The following ZMYND8 variants were observed in gnomAD, a reference collection of about 807,000 sequenced individuals.
ZMYND8 encodes the protein MYND-type zinc finger-containing chromatin reader ZMYND8.
Under a neutral mutation model 140.8 loss-of-function variants are expected in ZMYND8, and 37 were observed. The observed-to-expected ratio is 0.26, with a 90% CI of 0.20 to 0.35. The LOEUF is 0.35. Among genes scored for constraint, ZMYND8 ranks in the 10% least tolerant of loss-of-function variants. The pLI is 1.00. For synonymous variants in ZMYND8, 592 were observed against 597.1 expected (o/e 0.99, Z 0.12); for missense variants, 1,068 against 1,570.0 (o/e 0.68, Z 5.40).
chr20:47,298,711 C>A lies in ZMYND8; in HGVS notation c.453+18G>T. 1 of 1,606,368 alleles carries A rather than the reference C, an allele frequency of 6.2e-7. No individual in the cohort carries two copies. The highest frequency in any genetic ancestry group is 8.5e-7 in the Non-Finnish European group (1 of 1,175,810). ...GAGGAAACGAGGCAGGTAATGCATT[C>A]ATTCATCAGGAACTAACCTCACATT... On this transcript the variant is annotated intron_variant, in intron 4 of 22. Transcript: ENST00000471951. The surrounding 1 kb of genome is among the most constrained non-coding windows in gnomAD (Gnocchi z 5.0).
At position 47,356,254 on chromosome 20, in the gene ZMYND8, G is replaced by A. The variant is rs1182357255; in HGVS notation, c.14+403C>T. 6 of 934,954 alleles carry A rather than the reference G, an allele frequency of 6.4e-6. No homozygotes were observed. In the Admixed American group the frequency reaches 3.0e-4, roughly 46 times the overall value. 57.9% of individuals were successfully genotyped at this position (934,954 alleles called of 1,614,324 possible). A position where few individuals can be genotyped will look rare whatever the true frequency, so the allele number is the denominator to read the frequency against. On this transcript the variant is annotated intron_variant, in intron 1 of 22. Transcript: ENST00000471951. ...TCCCCCAGCAGGGCATGTGGCAAAAGAGAAGACAATAGTGCAGGGGTGGGA... is the reference window on the plus strand; with the variant it reads ...TCCCCCAGCAGGGCATGTGGCAAAAAAGAAGACAATAGTGCAGGGGTGGGA...
chr20:47,301,155 CTT>C (rs74178720), intron 3 of ZMYND8, among the ~76,000 whole-genome samples: 155 of 133,394 alleles, frequency 1.2e-3, no homozygotes, highest in East Asian at 1.5e-3. Context: ...TTGCATAATT[CTT>C]TTTTTTTTTT....
Position 47,287,260 on chromosome 20 carries a change from G to A in ZMYND8, c.773C>T (p.Ala258Val). 3 of 1,613,802 alleles carry A rather than the reference G, an allele frequency of 1.9e-6. No individual in the cohort carries two copies. Among genetic ancestry groups the A allele is most frequent in the Non-Finnish European group, 1.7e-6 (2 of 1,179,750 alleles). The change falls in exon 8 of 23, where the codon GCG becomes GTG. Residue 258 changes from alanine to valine, a missense_variant. Physicochemically the swap from Ala to Val is moderately conservative, Grantham distance 64. Around this residue, in one of 10 missense-constraint regions of ZMYND8, gnomAD observed 109 missense variants for 314.9 expected, o/e 0.35. Transcript: ENST00000471951. ...NGGNHKLTQI[A>V]KVVIKICEHE... ...TTCACAGATTTTGATGACTACTTTC[G>A]CTATTTGCGTCAATTTGTGATTTCC...
intron 16 of ZMYND8, among the ~76,000 whole-genome samples, chr20:47,234,714 T>C (rs1195286889): frequency 6.6e-6 from 1 of 152,110 alleles, no homozygotes; most frequent in African/African-American, 2.4e-5. Flanking sequence ...AAAAGAAACA[T>C]GACCAATGAA....
chr20:47,234,572 T>G (rs13038068), intron 16 of ZMYND8, among the ~76,000 whole-genome samples: 1 of 152,192 alleles, frequency 6.6e-6, no homozygotes, highest in Non-Finnish European at 1.5e-5. Context: ...GAGAGCCCCG[T>G]GGAGCCATGC....
At chr20:47,276,131 T>G (rs1332131017) in intron 11 of ZMYND8, among the ~76,000 whole-genome samples, 183 bp downstream of exon 11, 2 of 152,208 alleles carry the variant, frequency 1.3e-5, no homozygotes, top group African/African-American at 4.8e-5. Context: ...GGGGACACTT[T>G]TCTCATTTCT....
At chr20:47,308,984 C>T (rs1375821610) in intron 3 of ZMYND8, among the ~76,000 whole-genome samples, 4 of 152,202 alleles carry the variant, frequency 2.6e-5, no homozygotes, top group Admixed American at 6.5e-5. Flanking sequence ...TCAGAACCAA[C>T]GGGACACTGT....
At chr20:47,280,809 G>C (rs2076561775) in intron 10 of ZMYND8, among the ~76,000 whole-genome samples, 1 of 152,048 alleles carries the variant, frequency 6.6e-6, no homozygotes, top group Admixed American at 6.6e-5. Context: ...TCTGACTCCA[G>C]CTGTGAGCAT....
intron 2 of ZMYND8, among the ~76,000 whole-genome samples, chr20:47,333,932 T>A (rs2081182058): frequency 1.4e-5 from 2 of 146,710 alleles, no homozygotes; most frequent in African/African-American, 2.5e-5. Flanking sequence ...AAAAAGGAAA[T>A]TAAGAAAGGG....
rs147953139 is a variant in ZMYND8 at position 47,315,607 on chromosome 20, C to G, written c.86-5403G>C. 6.3e-3 allele frequency among the ~76,000 whole-genome samples: 954 copies of G among 152,210 alleles called. 7 individuals are homozygous for G. The highest frequency in any genetic ancestry group is 0.021 in the African/African-American group (873 of 41,518). ...TGTACACCTGACTGTAGCCGTGGTACCCAGGCTCCATAAGGACCCTTTCCA... is the reference window on the plus strand; with the variant it reads ...TGTACACCTGACTGTAGCCGTGGTAGCCAGGCTCCATAAGGACCCTTTCCA... On this transcript the variant is annotated intron_variant, in intron 2 of 22. Transcript: ENST00000471951.
intron 21 of ZMYND8, among the ~76,000 whole-genome samples, chr20:47,213,049 C>G (rs2035512606): frequency 1.3e-5 from 2 of 152,164 alleles, no homozygotes; most frequent in Admixed American, 6.5e-5. Context: ...CTAATTCAAC[C>G]ATGGGAAACG....
chr20:47,222,852 G>A (rs1249909913), intron 19 of ZMYND8, among the ~76,000 whole-genome samples: 2 of 152,266 alleles, frequency 1.3e-5, no homozygotes, highest in Non-Finnish European at 2.9e-5. Flanking sequence ...AGTGCTGCCT[G>A]TTTTATTGGC....
At chr20:47,287,507 C>A (rs2076997036) in intron 7 of ZMYND8, among the ~76,000 whole-genome samples, 1 of 152,174 alleles carries the variant, frequency 6.6e-6, no homozygotes, top group Middle Eastern at 3.2e-3. Context: ...TTCTCTGCAA[C>A]TGAGCAATTT....
rs1311177466 is a variant in ZMYND8 at position 47,298,653 on chromosome 20, A to G, written c.453+76T>C. ...TTTTCCATCTATCTGGATTATTTGT[A>G]AATTTAAAAATAAAAGGAAGAAAGA... On this transcript the variant is annotated intron_variant, in intron 4 of 22. Transcript: ENST00000471951. This position sits in a 1 kb window ranked among gnomAD's most constrained non-coding sequence, Gnocchi z 5.0. The G allele has an allele frequency of 1.3e-6, 2 of 1,540,848 alleles. No homozygotes were observed. The highest frequency in any genetic ancestry group is 2.8e-5 in the African/African-American group (2 of 72,542).
intron 2 of ZMYND8, among the ~76,000 whole-genome samples, chr20:47,345,429 G>A (rs934943036): frequency 6.6e-6 from 1 of 151,982 alleles, no homozygotes; most frequent in African/African-American, 2.4e-5. Context: ...GGCAGGTCAC[G>A]GTGACTTCAG....
rs1175085565 is a variant in ZMYND8, at chr20:47,298,149, CTTTA to C, written c.453+576_453+579del. ...TTTTCTTTTAATTCATTATATGGAA[CTTTA>C]TTTATTTTGGTTTTTGTCCTTTTCT... is the stretch of plus-strand genomic sequence containing the variant. On this transcript the variant is annotated intron_variant, in intron 4 of 22. Coordinates refer to ENST00000471951, the MANE Select transcript of ZMYND8 (RefSeq NM_001281775.3). The surrounding 1 kb of genome is among the most constrained non-coding windows in gnomAD (Gnocchi z 5.0). 3.8e-6 allele frequency: 2 copies of C among 527,220 alleles called. No individual in the cohort carries two copies. The highest frequency in any genetic ancestry group is 4.9e-6 in the Non-Finnish European group (2 of 411,628). 32.7% of individuals were successfully genotyped at this position (527,220 alleles called of 1,614,324 possible).
intron 2 of ZMYND8, among the ~76,000 whole-genome samples, chr20:47,339,092 C>T (rs1236630232): frequency 6.6e-6 from 1 of 151,612 alleles, no homozygotes; most frequent in Non-Finnish European, 1.5e-5. Flanking sequence ...CCTGCCTCAA[C>T]CTCCCAAGTA....
intron 14 of ZMYND8, among the ~76,000 whole-genome samples, chr20:47,242,620 G>A (rs1474373780): frequency 2.6e-5 from 4 of 152,208 alleles, no homozygotes; most frequent in Non-Finnish European, 4.4e-5. Context: ...CAAAATGGTC[G>A]TTTTCTCTCT....
intron 3 of ZMYND8, among the ~76,000 whole-genome samples, chr20:47,305,516 C>T (rs1043238840): frequency 3.3e-5 from 5 of 150,340 alleles, no homozygotes; most frequent in Non-Finnish European, 7.4e-5. Context: ...GCTAGGATTA[C>T]AGGCATGAGC....
Sources: gnomAD v4.1 joint callset for allele counts (sites outside exome capture counted in the v4.1 genomes callset) on GRCh38, gnomAD v4.1.1 for gene constraint, gnomAD v4.1.1 regional missense constraint, Gnocchi (gnomAD v3.1) non-coding constraint, MANE v1.5 for transcripts, NCBI Gene and HGNC (gene_info 2026-07-23, HGNC 2026-07-21) for gene names.